The following ZNF808 variants were observed in gnomAD, a reference collection of about 807,000 sequenced individuals.
ZNF808 encodes zinc finger protein 808.
ZNF808 carries 5 observed loss-of-function variants against 8.7 expected under a neutral mutation model. The observed-to-expected ratio is 0.58, with a 90% CI of 0.30 to 1.21. ZNF808 has a LOEUF of 1.21. ZNF808 is among the 50% of genes most tolerant of loss of function. The probability of loss-of-function intolerance (pLI) is 0.07; values close to 1 mark genes in which losing one functional copy is unlikely to be tolerated. For missense variants in ZNF808, 1,103 were observed against 1,098.4 expected (o/e 1.00, Z -0.06); for synonymous variants, 380 against 366.0 (o/e 1.04, Z -0.44).
At position 52,554,733 on chromosome 19, in the gene ZNF808, A is replaced by C; in HGVS notation, c.1817A>C (p.Gln606Pro). Residue 606 changes from glutamine (Q) to proline (P), a missense_variant, in exon 5 of 5, where the codon CAG (glutamine) becomes CCG (proline). Gln to Pro is a moderately conservative substitution (Grantham distance 76). Coordinates refer to ENST00000359798, the MANE Select transcript of ZNF808 (RefSeq NM_001039886.4). The stretch of plus-strand genomic sequence containing the variant: ...GAAGCATGTGACAAAGTTTTTGGTC[A>C]GAAATCAGCTCTTGAGTCACATAAG... Reference protein sequence around the residue: ...KCEACDKVFGQKSALESHKRI... With the variant: ...KCEACDKVFGPKSALESHKRI... 1 of 1,613,906 alleles carries C rather than the reference A, an allele frequency of 6.2e-7. No individual in the cohort carries two copies. Among genetic ancestry groups the C allele is most frequent in the Non-Finnish European group, 8.5e-7 (1 of 1,179,882 alleles).
chr19:52,557,468 A>G (rs1409605777), downstream of ZNF808, among the ~76,000 whole-genome samples: 1 of 151,938 alleles, frequency 6.6e-6, no homozygotes, highest in African/African-American at 2.4e-5. Flanking sequence ...GGGTTTTACC[A>G]TGTGGGCCAA....
chr19:52,539,822 G>T (rs1322692457), intron 2 of ZNF808, among the ~76,000 whole-genome samples: 7 of 151,706 alleles, frequency 4.6e-5, no homozygotes, highest in African/African-American at 1.5e-4. Flanking sequence ...CAAGGTGCTG[G>T]GATTACAGGT....
rs774746372 is a variant in ZNF808 at position 52,553,421 on chromosome 19, A to G, written c.505A>G (p.Ile169Val). 7.4e-6 allele frequency: 12 copies of G among 1,614,074 alleles called. No individual in the cohort carries two copies. In the East Asian group the frequency reaches 1.3e-4, roughly 18 times the overall value. ...TTATTCACATCTGCCTGAACTCCAC[A>G]TATTTCAGATCAAAGGTGAAATTGC... ...SFYSHLPELH[I>V]FQIKGEIANQ... Residue 169 changes from isoleucine to valine, a missense_variant, in exon 5 of 5, where the codon ATA becomes GTA. Physicochemically the swap from Ile to Val is conservative, Grantham distance 29. Coordinates refer to ENST00000359798, the MANE Select transcript of ZNF808 (RefSeq NM_001039886.4).
At chr19:52,550,245 T>C (rs979977925) in intron 4 of ZNF808, among the ~76,000 whole-genome samples, 2 of 151,912 alleles carry the variant, frequency 1.3e-5, no homozygotes, top group African/African-American at 2.4e-5. Flanking sequence ...TTTTTTTGTT[T>C]TTGAGATGGA....
At chr19:52,559,220 G>A (rs901638615), downstream of ZNF808, among the ~76,000 whole-genome samples, 3 of 152,040 alleles carry the variant, frequency 2.0e-5, no homozygotes, top group Non-Finnish European at 2.9e-5. Context: ...GGAATGTCTC[G>A]GTGTAAAGCC....
At chr19:52,565,346 CA>C (rs2059870579), downstream of ZNF808, among the ~76,000 whole-genome samples, 2 of 152,132 alleles carry the variant, frequency 1.3e-5, no homozygotes, top group African/African-American at 4.8e-5. Context: ...AAAGGAAAAT[CA>C]AAATTACTAA....
downstream of ZNF808, among the ~76,000 whole-genome samples, chr19:52,558,504 T>C (rs990657095): frequency 6.6e-6 from 1 of 152,134 alleles, no homozygotes; most frequent in Non-Finnish European, 1.5e-5. Flanking sequence ...CCCGAGTAGC[T>C]GGGACTATAG....
At chr19:52,568,300 G>A (rs891440577), downstream of ZNF808, among the ~76,000 whole-genome samples, 2 of 152,226 alleles carry the variant, frequency 1.3e-5, no homozygotes, top group African/African-American at 2.4e-5. Flanking sequence ...CTTGAACCCA[G>A]GACGTGGAGG....
At chr19:52,551,568 A>C (rs1437071859) in intron 4 of ZNF808, among the ~76,000 whole-genome samples, 1 of 152,066 alleles carries the variant, frequency 6.6e-6, no homozygotes, top group African/African-American at 2.4e-5. Flanking sequence ...GTTGTTTAGA[A>C]TTCTGCGGGC....
chr19:52,554,801 G>A lies in ZNF808; in HGVS notation c.1885G>A (p.Asp629Asn). The A allele has an allele frequency of 1.2e-6, 2 of 1,613,862 alleles. No individual in the cohort carries two copies. Among genetic ancestry groups the A allele is most frequent in the Non-Finnish European group, 1.7e-6 (2 of 1,179,950 alleles). The stretch of plus-strand genomic sequence containing the variant: ...GAAACCATACAGATGTCAGGTTTGT[G>A]ACACAGCTTTCACGTGGAATTCACA... ...GEKPYRCQVCDTAFTWNSQLA... is the reference protein window; with the variant it reads ...GEKPYRCQVCNTAFTWNSQLA... Residue 629 changes from aspartate to asparagine, a missense_variant, in exon 5 of 5, where the codon GAC becomes AAC. Asp to Asn is a conservative substitution (Grantham distance 23, BLOSUM62 1). Coordinates refer to ENST00000359798, the MANE Select transcript of ZNF808 (RefSeq NM_001039886.4).
At chr19:52,531,847 A>G (rs960802599) in intron 1 of ZNF808, among the ~76,000 whole-genome samples, 3 of 152,156 alleles carry the variant, frequency 2.0e-5, no homozygotes, top group Admixed American at 6.6e-5. Context: ...TGACATTGTA[A>G]TTGCACCCTC....
In ZNF808 at chr19:52,553,196, C is replaced by A. The variant is rs762832245; in HGVS notation, c.280C>A (p.Gln94Lys). The change falls in exon 5 of 5, where the codon CAA (glutamine) becomes AAA (lysine). Residue 94 changes from glutamine (Q) to lysine (K), a missense_variant. Coordinates refer to ENST00000359798, the MANE Select transcript of ZNF808 (RefSeq NM_001039886.4). ...CCACACAGGGACATTGCAAAGACATCAAAGTTATCACATTGGAGACTTTTG... is the reference window on the plus strand; with the variant it reads ...CCACACAGGGACATTGCAAAGACATAAAAGTTATCACATTGGAGACTTTTG... ...VIHTGTLQRH[Q>K]SYHIGDFCFQ... The A allele has an allele frequency of 1.2e-6, 2 of 1,613,716 alleles. No individual in the cohort carries two copies. The highest frequency in any genetic ancestry group is 3.3e-4 in the Middle Eastern group (2 of 6,056).
chr19:52,542,355 A>G (rs1223261308), intron 2 of ZNF808, among the ~76,000 whole-genome samples: 1 of 151,920 alleles, frequency 6.6e-6, no homozygotes, highest in African/African-American at 2.4e-5. Context: ...CCTCTCTTCC[A>G]CTGCTCCAGC....
rs565178991 is a variant in ZNF808 at position 52,530,063 on chromosome 19, C to T, written c.-122+2352C>T. ...GCCCACCGCGTCTGGCCTACATAGC[C>T]CCCCCCTTTTTTTTGAGAGGGAGTT... On this transcript the variant is annotated intron_variant, in intron 1 of 4. Transcript: ENST00000359798. Among the ~76,000 whole-genome samples the T allele has an allele frequency of 2.7e-4, 41 of 151,710 alleles. No homozygotes were observed. In the East Asian group the frequency reaches 6.3e-3, roughly 23 times the overall value.
chr19:52,563,422 A>G (rs2059864045), exon 4 of ZNF808: 4 of 152,254 alleles, frequency 2.6e-5, no homozygotes, highest in Admixed American at 2.0e-4. Flanking sequence ...AGTATCAACT[A>G]CTGTGGAGTC....
intron 1 of ZNF808, among the ~76,000 whole-genome samples, chr19:52,530,170 A>C (rs1429909223): frequency 6.6e-6 from 1 of 151,944 alleles, no homozygotes; most frequent in African/African-American, 2.4e-5. Flanking sequence ...AAACAATTCT[A>C]CTGCCTCACT....
downstream of ZNF808, among the ~76,000 whole-genome samples, chr19:52,566,957 GT>G (rs58981436): frequency 4.9e-3 from 707 of 145,746 alleles, 6 homozygotes; most frequent in African/African-American, 0.016. Context: ...AAGGATAGGT[GT>G]TTTTTTTTTT....
intron 2 of ZNF808, among the ~76,000 whole-genome samples, chr19:52,537,184 C>CT (rs1422389493): frequency 1.7e-5 from 2 of 120,006 alleles, no homozygotes; most frequent in East Asian, 5.6e-4. Context: ...GAAACTCTTT[C>CT]TCAAAAAAAA....
chr19:52,554,860 A>C lies in ZNF808; in HGVS notation c.1944A>C (p.Glu648Asp). 1 of 1,614,040 alleles carries C rather than the reference A, an allele frequency of 6.2e-7. No homozygotes were observed. The highest frequency in any genetic ancestry group is 2.2e-5 in the East Asian group (1 of 44,862). ...GACATACAAGAATTCACACTGGAGA[A>C]AAAACTTACAAGTGTAATGAGTGTG... ...LARHTRIHTGEKTYKCNECGK... is the reference protein window; with the variant it reads ...LARHTRIHTGDKTYKCNECGK... The change falls in exon 5 of 5, where the codon GAA becomes GAC. Residue 648 changes from glutamate (E) to aspartate (D), a missense_variant. Physicochemically the swap from Glu to Asp is conservative, Grantham distance 45. Coordinates refer to ENST00000359798, the MANE Select transcript of ZNF808 (RefSeq NM_001039886.4).
Sources: gnomAD v4.1 joint callset for allele counts (sites outside exome capture counted in the v4.1 genomes callset) on GRCh38, gnomAD v4.1.1 for gene constraint, MANE v1.5 for transcripts, NCBI Gene and HGNC (gene_info 2026-07-23, HGNC 2026-07-21) for gene names.